The following ZNF557 variants were observed in gnomAD, a reference collection of about 807,000 sequenced individuals.
ZNF557 encodes the protein zinc finger protein 557, also known as CTB-25J19.9.
ZNF557 carries 19 observed loss-of-function variants against 21.2 expected under a neutral mutation model. The ratio of observed to expected loss-of-function variants is 0.90; its 90% confidence interval spans 0.63 to 1.32. ZNF557 has a LOEUF of 1.32. Among genes scored for constraint, ZNF557 ranks in the 40% most tolerant of loss-of-function variants. The pLI is 0.00. For synonymous variants in ZNF557, 207 were observed against 194.8 expected, an observed-to-expected ratio of 1.06 and a Z score of -0.52; for missense variants, 487 against 519.8, an observed-to-expected ratio of 0.94 and a Z score of 0.61.
intron 1 of ZNF557, among the ~76,000 whole-genome samples, chr19:7,070,342 C>T (rs1222356719): frequency 6.6e-6 from 1 of 152,208 alleles, no homozygotes; most frequent in Non-Finnish European, 1.5e-5. Flanking sequence ...CTTTAAGCTT[C>T]TTGTCCCATT....
intron 2 of ZNF557, among the ~76,000 whole-genome samples, chr19:7,071,317 G>A (rs1362542544): frequency 2.6e-5 from 4 of 151,970 alleles, no homozygotes; most frequent in South Asian, 4.1e-4. Flanking sequence ...TGGTCCATGC[G>A]GTTGTTTTAA....
intron 7 of ZNF557, among the ~76,000 whole-genome samples, chr19:7,082,278 C>T (rs2145176061): frequency 6.6e-6 from 1 of 152,230 alleles, no homozygotes; most frequent in Admixed American, 6.5e-5. Flanking sequence ...AAAAACTTAG[C>T]TGGGTGTGGT....
At position 7,083,371 on chromosome 19, in the gene ZNF557, T is replaced by A. The variant is rs139450036; in HGVS notation, c.920T>A (p.Leu307His). The change falls in exon 8 of 8, where the codon CTT becomes CAT. Residue 307 changes from leucine (L) to histidine (H), a missense_variant. Transcript: ENST00000252840. ...AAGGCTTTCGGCACGAGGTCATCTC[T>A]TTCTTCGCACTATAGCATTCATACA... ...CGKAFGTRSS[L>H]SSHYSIHTGE... is the part of the protein sequence containing the mutation. 6.2e-7 allele frequency: 1 copy of A among 1,614,214 alleles called. No homozygotes were observed. The highest frequency in any genetic ancestry group is 2.2e-5 in the East Asian group (1 of 44,886).
intron 2 of ZNF557, among the ~76,000 whole-genome samples, chr19:7,074,033 C>T (rs1341450615): frequency 7.2e-6 from 1 of 139,596 alleles, no homozygotes; most frequent in African/African-American, 2.7e-5. Flanking sequence ...TGGAGTGTTG[C>T]TCTGTTGCCC....
At chr19:7,072,169 A>G (rs1977476146) in intron 2 of ZNF557, among the ~76,000 whole-genome samples, 1 of 148,786 alleles carries the variant, frequency 6.7e-6, no homozygotes, top group Non-Finnish European at 1.5e-5. Context: ...CACACCTGTA[A>G]TCCCACCACT....
At chr19:7,071,880 C>T (rs1382684334) in intron 2 of ZNF557, among the ~76,000 whole-genome samples, 2 of 142,082 alleles carry the variant, frequency 1.4e-5, no homozygotes, top group Admixed American at 7.2e-5. Flanking sequence ...CCAAGGCAGG[C>T]AGATCACGAG....
chr19:7,084,989 G>A lies in ZNF557; in HGVS notation c.*1245G>A, dbSNP rs1303486210. The A allele has an allele frequency of 6.6e-6, 1 of 152,086 alleles. No individual in the cohort carries two copies. Among genetic ancestry groups the A allele is most frequent in the East Asian group, 1.9e-4 (1 of 5,192 alleles). 9.4% of individuals were successfully genotyped at this position (152,086 alleles called of 1,614,324 possible). On this transcript the variant is annotated 3_prime_UTR_variant, in exon 8 of 8. Coordinates refer to ENST00000252840, the MANE Select transcript of ZNF557 (RefSeq NM_024341.3). ...TGTTGAGTATACACAGTGTTGAAAA[G>A]CCTGTGACACAAACAGTCATATTAC...
At chr19:7,080,953 A>G (rs1977686150) in intron 5 of ZNF557, among the ~76,000 whole-genome samples, 1 of 152,150 alleles carries the variant, frequency 6.6e-6, no homozygotes, top group Non-Finnish European at 1.5e-5. Flanking sequence ...GGGAGTAGTG[A>G]AGAATGCAAC....
In ZNF557 at chr19:7,074,982, C is replaced by A; in HGVS notation, c.-79-14C>A. The A allele has an allele frequency of 6.2e-7, 1 of 1,602,894 alleles. No homozygotes were observed. The highest frequency in any genetic ancestry group is 1.1e-5 in the South Asian group (1 of 90,924). ...GGGGTGACCGAGGCAGAGTGTTCCC[C>A]CCATTTCTTCCAGGGTGCTGTCCTG... On this transcript the variant is annotated splice_polypyrimidine_tract_variant and intron_variant, in intron 2 of 7. Coordinates refer to ENST00000252840, the MANE Select transcript of ZNF557 (RefSeq NM_024341.3).
chr19:7,081,252 C>T (rs1977698866), intron 5 of ZNF557, 108 bp from the exon 6 acceptor site: 1 of 655,686 alleles, frequency 1.5e-6, no homozygotes, highest in African/African-American at 1.8e-5. Context: ...AATTATTTCT[C>T]TGCTCCTGAA....
At chr19:7,078,454 G>A (rs1167849038) in intron 5 of ZNF557, among the ~76,000 whole-genome samples, 4 of 145,102 alleles carry the variant, frequency 2.8e-5, no homozygotes, top group African/African-American at 5.2e-5. Context: ...TTTTTTTCCC[G>A]GAGTCTCACT....
In ZNF557 at chr19:7,083,479, C is replaced by T; in HGVS notation, c.1028C>T (p.Thr343Ile). ...CTGACACAGCACATAAGAACTCATA[C>T]TGGAGAAAAACCCTACACATGTAAT... is the stretch of plus-strand genomic sequence containing the variant. The part of the protein sequence containing the change: ...SNLTQHIRTH[T>I]GEKPYTCNEC... The change falls in exon 8 of 8, where the codon ACT (threonine) becomes ATT (isoleucine). Residue 343 changes from threonine to isoleucine, a missense_variant. Transcript: ENST00000252840. 6.2e-7 allele frequency: 1 copy of T among 1,614,190 alleles called. No homozygotes were observed.
At chr19:7,074,302 G>A (rs932568157) in intron 2 of ZNF557, among the ~76,000 whole-genome samples, 4 of 143,396 alleles carry the variant, frequency 2.8e-5, no homozygotes, top group African/African-American at 5.2e-5. Flanking sequence ...CACCGCGCCT[G>A]GCCAGCCGCT....
At chr19:7,079,447 A>G (rs10407244) in intron 5 of ZNF557, among the ~76,000 whole-genome samples, 5,982 of 149,170 alleles carry the variant, frequency 0.04, 176 homozygotes, top group African/African-American at 0.086. Context: ...TCACCGTGTT[A>G]GCCAGGATGA....
chr19:7,076,313 G>A, intron 4 of ZNF557, 68 bp from the exon 5 acceptor site: 1 of 1,613,894 alleles, frequency 6.2e-7, no homozygotes, highest in Non-Finnish European at 8.5e-7. Context: ...CTGTTCTCCT[G>A]GCCCCTCTTC....
chr19:7,084,655 C>T lies in ZNF557; in HGVS notation c.*911C>T, dbSNP rs1459284251. 6.6e-6 allele frequency: 1 copy of T among 152,132 alleles called. No individual in the cohort carries two copies. The highest frequency in any genetic ancestry group is 2.4e-5 in the African/African-American group (1 of 41,410). The allele number at this position is 152,132 out of a possible 1,614,324, so 9.4% of individuals were successfully genotyped here. A position where few individuals can be genotyped will look rare whatever the true frequency, so the allele number is the denominator to read the frequency against. ...GGCATGAACCACCATGCCCAGCCAA[C>T]TTCTAAACTGATCAATATGGGAGTA... On this transcript the variant is annotated 3_prime_UTR_variant, in exon 8 of 8. Coordinates refer to ENST00000252840, the MANE Select transcript of ZNF557 (RefSeq NM_024341.3).
chr19:7,084,104 A>G lies in ZNF557; in HGVS notation c.*360A>G. 1 of 201,234 alleles carries G rather than the reference A, an allele frequency of 5.0e-6. No individual in the cohort carries two copies. The highest frequency in any genetic ancestry group is 5.3e-5 in the Admixed American group (1 of 18,846). The allele number at this position is 201,234 out of a possible 1,614,324, so 12.5% of individuals were successfully genotyped here. On this transcript the variant is annotated 3_prime_UTR_variant, in exon 8 of 8. Coordinates refer to ENST00000252840, the MANE Select transcript of ZNF557 (RefSeq NM_024341.3). The stretch of plus-strand genomic sequence containing the variant: ...TTCCAAATCACGTAGGCCTCTCAAC[A>G]GGGCTGAGTTTCTTTATGGAAGCAA...
At chr19:7,074,879 G>T in intron 2 of ZNF557, 117 bp from the exon 3 acceptor site, 2 of 682,646 alleles carry the variant, frequency 2.9e-6, no homozygotes, top group Non-Finnish European at 4.8e-6. Context: ...ACCGAGGCAG[G>T]GCACGGGCAG....
At chr19:7,081,860 C>G in intron 6 of ZNF557, 110 bp from the exon 7 acceptor site, 1 of 792,006 alleles carries the variant, frequency 1.3e-6, no homozygotes, top group Non-Finnish European at 2.1e-6. Context: ...TCTCAAAAAC[C>G]CTCACCTCTC....
Sources: gnomAD v4.1 joint callset for allele counts (sites outside exome capture counted in the v4.1 genomes callset) on GRCh38, gnomAD v4.1.1 for gene constraint, MANE v1.5 for transcripts, NCBI Gene and HGNC (gene_info 2026-07-23, HGNC 2026-07-21) for gene names.